AKAP6: variants seen among roughly 807,000 people sequenced by gnomAD.
The protein encoded by AKAP6 is A-kinase anchoring protein 6.
A neutral mutation model predicts 188.5 loss-of-function variants in AKAP6; 58 were observed. The ratio of observed to expected loss-of-function variants is 0.31; its 90% CI spans 0.25 to 0.38. AKAP6 has a LOEUF of 0.38. AKAP6 is among the 10% of genes least tolerant of loss of function. AKAP6 has a pLI of 1.00. For missense variants in AKAP6, 2,710 were observed against 2,740.0 expected (o/e 0.99, Z 0.24); for synonymous variants, 989 against 998.6 (o/e 0.99, Z 0.18).
chr14:32,563,081 G>T (rs1041866877), intron 4 of AKAP6, among the ~76,000 whole-genome samples: 3 of 152,118 alleles, frequency 2.0e-5, no homozygotes, highest in African/African-American at 7.2e-5. Context: ...GTACCAAAAG[G>T]ATGAATATTC....
chr14:32,592,106 T>G (rs1885512221), intron 5 of AKAP6, among the ~76,000 whole-genome samples: 1 of 152,218 alleles, frequency 6.6e-6, no homozygotes, highest in South Asian at 2.1e-4. Flanking sequence ...TGTATCAGTG[T>G]CTCCCAAAAT....
chr14:32,599,126 G>C (rs1166092012), intron 5 of AKAP6, among the ~76,000 whole-genome samples: 2 of 152,078 alleles, frequency 1.3e-5, no homozygotes, highest in African/African-American at 4.8e-5. Context: ...ATATTTTATA[G>C]AACACTGCTA....
At chr14:32,378,557 T>TG (rs1888233119) in intron 1 of AKAP6, among the ~76,000 whole-genome samples, 1 of 152,216 alleles carries the variant, frequency 6.6e-6, no homozygotes, top group African/African-American at 2.4e-5. Flanking sequence ...GGGTACCTGC[T>TG]GGGGAAGAGG....
intron 1 of AKAP6, among the ~76,000 whole-genome samples, chr14:32,334,098 T>A (rs1220303665): frequency 6.6e-6 from 1 of 152,064 alleles, no homozygotes; most frequent in Non-Finnish European, 1.5e-5. Context: ...GGGCCCTGAG[T>A]GTGGTTTTTC....
At chr14:32,386,588 A>G (rs28881925) in intron 1 of AKAP6, among the ~76,000 whole-genome samples, 2,908 of 152,086 alleles carry the variant, frequency 0.019, 92 homozygotes, top group African/African-American at 0.066. Context: ...TTCTTTTGCC[A>G]TGCAAAAGCT....
At chr14:32,395,795 T>G (rs1888861612) in intron 1 of AKAP6, among the ~76,000 whole-genome samples, 1 of 152,212 alleles carries the variant, frequency 6.6e-6, no homozygotes. Flanking sequence ...ATTTGTAACA[T>G]ATATATAGTG....
chr14:32,342,336 C>T (rs111236807), intron 1 of AKAP6, among the ~76,000 whole-genome samples: 2 of 152,164 alleles, frequency 1.3e-5, no homozygotes, highest in African/African-American at 4.8e-5. Flanking sequence ...AGTCCCTGCC[C>T]TTAGGGTGGA....
intron 10 of AKAP6, chr14:32,733,041 A>G (rs566586489): frequency 1.5e-5 from 3 of 200,408 alleles, no homozygotes; most frequent in Non-Finnish European, 2.0e-5. Flanking sequence ...CTTTCAAGTC[A>G]CACTAAAGCC....
intron 12 of AKAP6, among the ~76,000 whole-genome samples, chr14:32,799,145 T>C (rs1331163561): frequency 1.3e-5 from 2 of 152,194 alleles, no homozygotes; most frequent in Non-Finnish European, 2.9e-5. Context: ...GGAAATCCTG[T>C]CTTAAGTGAT....
chr14:32,519,087 C>T (rs1594702092), intron 2 of AKAP6, among the ~76,000 whole-genome samples: 1 of 152,124 alleles, frequency 6.6e-6, no homozygotes, highest in South Asian at 2.1e-4. Flanking sequence ...TCTTATCCAG[C>T]CAAACTAAGC....
At chr14:32,499,394 G>A (rs1485034096) in intron 2 of AKAP6, among the ~76,000 whole-genome samples, 1 of 148,364 alleles carries the variant, frequency 6.7e-6, no homozygotes, top group African/African-American at 2.5e-5. Context: ...GCCTCCCAAA[G>A]TTCTGGGATA....
chr14:32,535,901 G>A lies in AKAP6; in HGVS notation c.576+96G>A, dbSNP rs1882652749. On this transcript the variant is annotated intron_variant, in intron 3 of 13. Transcript: ENST00000280979. Reference sequence around the variant, plus strand: ...GATGTAGGATAGGAATTCTTTGTAGGTAAATAAGCAGGCCCTGATGGGCTT... The same window carrying A: ...GATGTAGGATAGGAATTCTTTGTAGATAAATAAGCAGGCCCTGATGGGCTT... 3 of 1,506,122 alleles carry A rather than the reference G, an allele frequency of 2.0e-6. No individual in the cohort carries two copies. In the Admixed American group the frequency reaches 6.1e-5, roughly 31 times the overall value. The allele number at this position is 1,506,122 out of a possible 1,614,324, so 93.3% of individuals were successfully genotyped here.
At chr14:32,707,666 A>AAC (rs1890866504) in intron 9 of AKAP6, among the ~76,000 whole-genome samples, 1 of 152,100 alleles carries the variant, frequency 6.6e-6, no homozygotes, top group Non-Finnish European at 1.5e-5. Flanking sequence ...TATATGTTGA[A>AAC]ACACATATTT....
intron 9 of AKAP6, among the ~76,000 whole-genome samples, chr14:32,710,251 T>G (rs999768507): frequency 5.3e-5 from 8 of 151,112 alleles, no homozygotes; most frequent in African/African-American, 1.9e-4. Flanking sequence ...CTTCTCCCAG[T>G]GGATGCGTAA....
At chr14:32,338,629 T>C (rs917121715) in intron 1 of AKAP6, among the ~76,000 whole-genome samples, 3 of 152,238 alleles carry the variant, frequency 2.0e-5, no homozygotes, top group South Asian at 4.1e-4. Flanking sequence ...ACCTAAACAC[T>C]GAACAAAAAC....
Position 32,549,347 on chromosome 14 carries a change from G to A in AKAP6, c.2346+2348G>A, listed in dbSNP as rs1468786639. Among the ~76,000 whole-genome samples the A allele has an allele frequency of 3.9e-5, 6 of 152,280 alleles. No homozygotes were observed. In the East Asian group the frequency reaches 1.2e-3, roughly 29 times the overall value. On this transcript the variant is annotated intron_variant, in intron 4 of 13. Coordinates refer to ENST00000280979, the MANE Select transcript of AKAP6 (RefSeq NM_004274.5). ...GTTCTTGTGAAGTACTAAACCTTAAGTGGAGCTTTGAAGGATGTACAGGAT... is the reference window on the plus strand; with the variant it reads ...GTTCTTGTGAAGTACTAAACCTTAAATGGAGCTTTGAAGGATGTACAGGAT...
At chr14:32,802,215 T>G (rs977077819) in intron 12 of AKAP6, among the ~76,000 whole-genome samples, 3 of 152,210 alleles carry the variant, frequency 2.0e-5, no homozygotes, top group Non-Finnish European at 2.9e-5. Flanking sequence ...TGTAATTATG[T>G]TATACCACTC....
At chr14:32,535,085 A>G (rs192154293) in intron 2 of AKAP6, among the ~76,000 whole-genome samples, 235 of 152,120 alleles carry the variant, frequency 1.5e-3, no homozygotes, top group African/African-American at 5.4e-3. Context: ...TAGTTCATTG[A>G]GAATGGCTGA....
intron 2 of AKAP6, among the ~76,000 whole-genome samples, chr14:32,438,134 G>A (rs920200426): frequency 6.6e-6 from 1 of 152,132 alleles, no homozygotes; most frequent in Non-Finnish European, 1.5e-5. Context: ...TGCTCAATGA[G>A]GATTGAATTA....
Sources: gnomAD v4.1 joint callset for allele counts (sites outside exome capture counted in the v4.1 genomes callset) on GRCh38, gnomAD v4.1.1 for gene constraint, MANE v1.5 for transcripts, NCBI Gene and HGNC (gene_info 2026-07-23, HGNC 2026-07-21) for gene names.